The following CDIN1 variants were observed in gnomAD, a reference collection of about 807,000 sequenced individuals.
CDIN1 encodes the protein CDAN1-interacting nuclease 1.
CDIN1 carries 33 observed loss-of-function variants against 45.3 expected under a neutral mutation model. The observed-to-expected ratio is 0.73, with a 90% CI of 0.55 to 0.97. The LOEUF is 0.97. Among genes scored for constraint, CDIN1 ranks in the 50% least tolerant of loss-of-function variants. The pLI is 0.00. For missense variants in CDIN1, 303 were observed against 339.4 expected (o/e 0.89, Z 0.84); for synonymous variants, 118 against 124.4 (o/e 0.95, Z 0.34).
At chr15:36,754,441 C>T (rs1566951732) in intron 10 of CDIN1, among the ~76,000 whole-genome samples, 1 of 151,706 alleles carries the variant, frequency 6.6e-6, no homozygotes, top group Non-Finnish European at 1.5e-5. Context: ...GGAAAGTGCA[C>T]AGTATTCAGA....
chr15:36,711,123 T>C (rs546997799), intron 10 of CDIN1, among the ~76,000 whole-genome samples: 2 of 152,180 alleles, frequency 1.3e-5, no homozygotes, highest in Non-Finnish European at 2.9e-5. Context: ...TTAGCAGTAA[T>C]GTGGCAAATT....
intron 10 of CDIN1, chr15:36,799,348 G>GTCT: frequency 6.6e-6 from 1 of 152,268 alleles, no homozygotes; most frequent in Non-Finnish European, 1.5e-5. Context: ...AAGGTGTTCT[G>GTCT]TCTTCTCCAT....
intron 1 of CDIN1, among the ~76,000 whole-genome samples, chr15:36,608,686 G>C (rs912439985): frequency 6.6e-6 from 1 of 151,980 alleles, no homozygotes; most frequent in African/African-American, 2.4e-5. Context: ...GGAAGGTACA[G>C]AAGATAAATA....
intron 1 of CDIN1, among the ~76,000 whole-genome samples, chr15:36,598,453 C>A (rs2037941816): frequency 6.6e-6 from 1 of 152,146 alleles, no homozygotes; most frequent in Non-Finnish European, 1.5e-5. Context: ...ATGATCAGGC[C>A]AACATGCATT....
intron 9 of CDIN1, 37 bp from the exon 10 acceptor site, chr15:36,709,819 T>A: frequency 6.5e-7 from 1 of 1,543,620 alleles, no homozygotes; most frequent in South Asian, 1.1e-5. Context: ...AATCTTCCCC[T>A]CCCTTCTCCG....
intron 10 of CDIN1, among the ~76,000 whole-genome samples, chr15:36,744,852 CTG>C (rs1199809756): frequency 2.0e-5 from 3 of 152,196 alleles, no homozygotes; most frequent in Non-Finnish European, 2.9e-5. Flanking sequence ...TAGGACATCT[CTG>C]TGGCATGAAG....
At chr15:36,642,464 A>G (rs62002296) in intron 1 of CDIN1, among the ~76,000 whole-genome samples, 16,971 of 152,236 alleles carry the variant, frequency 0.11, 1,032 homozygotes, top group Middle Eastern at 0.16. Flanking sequence ...TAAGCTGGCA[A>G]AAATCACTCT....
intron 1 of CDIN1, among the ~76,000 whole-genome samples, chr15:36,616,165 G>A (rs1226500183): frequency 6.6e-6 from 1 of 152,192 alleles, no homozygotes; most frequent in African/African-American, 2.4e-5. Context: ...AGGTGAACTG[G>A]AGGCTTTGGG....
At chr15:36,795,073 C>G (rs891536606) in intron 10 of CDIN1, among the ~76,000 whole-genome samples, 19 of 152,100 alleles carry the variant, frequency 1.2e-4, no homozygotes, top group African/African-American at 4.6e-4. Flanking sequence ...TATATCGGGG[C>G]TTCAAAAGTT....
intron 10 of CDIN1, among the ~76,000 whole-genome samples, chr15:36,721,823 C>T (rs897104214): frequency 6.6e-6 from 1 of 151,478 alleles, no homozygotes; most frequent in African/African-American, 2.4e-5. Flanking sequence ...CAGCTTTCTC[C>T]TGCTGATATT....
chr15:36,766,465 T>G (rs978747610), intron 10 of CDIN1, among the ~76,000 whole-genome samples: 1 of 152,198 alleles, frequency 6.6e-6, no homozygotes, highest in South Asian at 2.1e-4. Context: ...ATTTTTAATT[T>G]TTTGAGGACC....
chr15:36,696,843 G>A (rs768860821), intron 7 of CDIN1, among the ~76,000 whole-genome samples: 4 of 151,758 alleles, frequency 2.6e-5, no homozygotes, highest in Non-Finnish European at 5.9e-5. Context: ...TGGACACAGT[G>A]GCTCATGCCT....
At chr15:36,733,547 C>T (rs1595533137) in intron 10 of CDIN1, among the ~76,000 whole-genome samples, 1 of 151,902 alleles carries the variant, frequency 6.6e-6, no homozygotes, top group East Asian at 1.9e-4. Context: ...TACATTAAGA[C>T]AATACAAGAA....
intron 3 of CDIN1, among the ~76,000 whole-genome samples, chr15:36,647,405 A>C (rs1016774784): frequency 3.3e-5 from 5 of 152,188 alleles, no homozygotes; most frequent in Admixed American, 6.5e-5. Flanking sequence ...GATTTCTTTC[A>C]ATTTATTTAA....
intron 10 of CDIN1, 113 bp from the exon 11 acceptor site, chr15:36,808,211 C>CA: frequency 6.7e-7 from 1 of 1,486,486 alleles, no homozygotes; most frequent in Non-Finnish European, 9.1e-7. Flanking sequence ...GCAACCAAAA[C>CA]AAAAATTTTG....
At chr15:36,595,290 TTATAATATAATATAATATAATATAA>T (rs36228170) in intron 1 of CDIN1, among the ~76,000 whole-genome samples, 5 of 141,420 alleles carry the variant, frequency 3.5e-5, no homozygotes, top group South Asian at 2.3e-4. Context: ...TACACTTACA[TTATAATATAATATAATATAATATAA>T]TATAATATAA....
At chr15:36,734,739 T>C (rs2043954795) in intron 10 of CDIN1, among the ~76,000 whole-genome samples, 1 of 152,168 alleles carries the variant, frequency 6.6e-6, no homozygotes, top group Non-Finnish European at 1.5e-5. Context: ...TCTCAGAAGG[T>C]TGTGTTTTTA....
chr15:36,721,222 G>A (rs912826707), intron 10 of CDIN1, among the ~76,000 whole-genome samples: 2 of 152,082 alleles, frequency 1.3e-5, no homozygotes, highest in Non-Finnish European at 2.9e-5. Context: ...CATTCTGTAG[G>A]CTGCCTGTTC....
intron 5 of CDIN1, among the ~76,000 whole-genome samples, chr15:36,674,284 C>T (rs542704907): frequency 1.3e-5 from 2 of 152,154 alleles, no homozygotes; most frequent in African/African-American, 4.8e-5. Context: ...GATTTATTAG[C>T]GCGGGGGTCT....
Sources: gnomAD v4.1 joint callset for allele counts (sites outside exome capture counted in the v4.1 genomes callset) on GRCh38, gnomAD v4.1.1 for gene constraint, MANE v1.5 for transcripts, NCBI Gene and HGNC (gene_info 2026-07-23, HGNC 2026-07-21) for gene names.